CTNND2: variants seen among roughly 807,000 people sequenced by gnomAD.
CTNND2 encodes the protein catenin delta-2.
A neutral mutation model predicts 144.4 loss-of-function variants in CTNND2; 22 were observed. That is an observed-to-expected ratio of 0.15 (90% CI 0.11 to 0.22). CTNND2 has a LOEUF of 0.22. CTNND2 is among the 10% of genes least tolerant of loss of function. CTNND2 has a pLI of 1.00. For synonymous variants in CTNND2, 751 were observed against 695.6 expected (o/e 1.08, Z -1.25); for missense variants, 1,353 against 1,618.8 (o/e 0.84, Z 2.82).
intron 9 of CTNND2, among the ~76,000 whole-genome samples, chr5:11,253,602 CCT>C (rs1743899622): frequency 2.0e-5 from 3 of 152,160 alleles, no homozygotes; most frequent in Admixed American, 6.5e-5. Context: ...GTCCATTAAA[CCT>C]CTTTTTCTTT....
intron 2 of CTNND2, among the ~76,000 whole-genome samples, chr5:11,681,247 A>C (rs912924334): frequency 6.6e-6 from 1 of 152,214 alleles, no homozygotes; most frequent in Non-Finnish European, 1.5e-5. Flanking sequence ...AGAAGGATGG[A>C]GTGTTCAACA....
At chr5:11,633,601 C>A (rs1302988627) in intron 2 of CTNND2, among the ~76,000 whole-genome samples, 1 of 151,942 alleles carries the variant, frequency 6.6e-6, no homozygotes, top group Non-Finnish European at 1.5e-5. Context: ...CATAGTGAAA[C>A]CCCATCTCTA....
chr5:11,378,714 C>T (rs1326974814), intron 7 of CTNND2, among the ~76,000 whole-genome samples: 2 of 152,166 alleles, frequency 1.3e-5, no homozygotes, highest in Non-Finnish European at 2.9e-5. Context: ...GTTCATTACC[C>T]CAGTAGACTT....
At position 11,508,498 on chromosome 5, in the gene CTNND2, T is replaced by C. The variant is rs1046758904; in HGVS notation, c.287+56446A>G. ...TCCTTTAATGTAGCCCCCAAACCCA[T>C]ATATCAACACATTATCAAGTGAAAT... On this transcript the variant is annotated intron_variant, in intron 3 of 21. Transcript: ENST00000304623. The C allele has an allele frequency of 3.3e-5, 5 of 151,514 alleles. No homozygotes were observed. The East Asian group carries it at 7.7e-4, about 23-fold the overall frequency. The allele number at this position is 151,514 out of a possible 1,614,324, so 9.4% of individuals were successfully genotyped here.
At chr5:11,787,672 C>T (rs1275164361) in intron 1 of CTNND2, among the ~76,000 whole-genome samples, 4 of 151,650 alleles carry the variant, frequency 2.6e-5, no homozygotes, top group Non-Finnish European at 5.9e-5. Context: ...TTACACATTC[C>T]CATAATTTAA....
chr5:11,824,705 A>C (rs2126948855), intron 1 of CTNND2, among the ~76,000 whole-genome samples: 1 of 152,318 alleles, frequency 6.6e-6, no homozygotes, highest in Non-Finnish European at 1.5e-5. Flanking sequence ...AACTAAATCT[A>C]GACTTGGAGA....
At chr5:11,679,045 T>C (rs1561685818) in intron 2 of CTNND2, among the ~76,000 whole-genome samples, 1 of 152,078 alleles carries the variant, frequency 6.6e-6, no homozygotes, top group African/African-American at 2.4e-5. Context: ...GAAAAGACTT[T>C]TGTTTTTCAG....
rs943951564 is a variant in CTNND2 at position 11,702,668 on chromosome 5, T to C, written c.174+29468A>G. On this transcript the variant is annotated intron_variant, in intron 2 of 21. Transcript: ENST00000304623. ...TACACCGGATCCTAGGGTGGAAATC[T>C]CAGGATAATCTTTTCTGGCTATCTG... 5.3e-5 allele frequency among the ~76,000 whole-genome samples: 8 copies of C among 152,202 alleles called. No homozygotes were observed. In the South Asian group the frequency reaches 1.7e-3, roughly 31 times the overall value.
At chr5:11,883,137 C>T (rs59816282) in intron 1 of CTNND2, among the ~76,000 whole-genome samples, 12 of 152,138 alleles carry the variant, frequency 7.9e-5, no homozygotes, top group Admixed American at 2.6e-4. Flanking sequence ...AAAAATGCTA[C>T]GATTTTTTTA....
At chr5:11,274,828 A>C (rs1308163989) in intron 9 of CTNND2, among the ~76,000 whole-genome samples, 8 of 152,184 alleles carry the variant, frequency 5.3e-5, no homozygotes, top group Non-Finnish European at 8.8e-5. Flanking sequence ...TCCAAGGAAA[A>C]AGAGTGAGGC....
intron 7 of CTNND2, among the ~76,000 whole-genome samples, chr5:11,378,444 T>G (rs1758148719): frequency 1.3e-5 from 2 of 152,216 alleles, no homozygotes; most frequent in Non-Finnish European, 2.9e-5. Context: ...TAACCACCTT[T>G]ACAAGGTTAA....
chr5:11,291,159 G>A (rs756788762), intron 9 of CTNND2, among the ~76,000 whole-genome samples: 1 of 152,056 alleles, frequency 6.6e-6, no homozygotes, highest in Non-Finnish European at 1.5e-5. Context: ...CTGGGGATTC[G>A]TCCACCCATT....
intron 16 of CTNND2, among the ~76,000 whole-genome samples, chr5:11,024,121 G>A (rs1742570648): frequency 6.6e-6 from 1 of 152,170 alleles, no homozygotes; most frequent in African/African-American, 2.4e-5. Context: ...CTGGTGTATG[G>A]TGCCTGGCAG....
At chr5:11,858,683 C>A (rs757313127) in intron 1 of CTNND2, among the ~76,000 whole-genome samples, 3 of 152,194 alleles carry the variant, frequency 2.0e-5, no homozygotes, top group Non-Finnish European at 4.4e-5. Context: ...TTAATCCCAG[C>A]ACTTTGGGAG....
intron 1 of CTNND2, among the ~76,000 whole-genome samples, chr5:11,764,498 C>T (rs1002438526): frequency 1.3e-5 from 2 of 152,104 alleles, no homozygotes; most frequent in African/African-American, 4.8e-5. Flanking sequence ...CTGGTGAGGC[C>T]ACCCCAAAGC....
At chr5:11,266,940 G>A (rs544221193) in intron 9 of CTNND2, among the ~76,000 whole-genome samples, 5 of 152,198 alleles carry the variant, frequency 3.3e-5, no homozygotes, top group African/African-American at 7.2e-5. Flanking sequence ...GTGCAATGGC[G>A]CGATCTCAGC....
intron 3 of CTNND2, among the ~76,000 whole-genome samples, chr5:11,556,726 A>G (rs941713251): frequency 6.8e-6 from 1 of 146,666 alleles, no homozygotes; most frequent in African/African-American, 2.5e-5. Context: ...TAATATCCAA[A>G]GTATGGCAGA....
chr5:11,166,082 T>C (rs1254579792), intron 11 of CTNND2, among the ~76,000 whole-genome samples: 2 of 152,132 alleles, frequency 1.3e-5, no homozygotes, highest in African/African-American at 4.8e-5. Context: ...TCATTTTAAA[T>C]AAATGTTTAT....
chr5:11,709,027 A>G (rs541198002), intron 2 of CTNND2, among the ~76,000 whole-genome samples: 2 of 152,334 alleles, frequency 1.3e-5, no homozygotes, highest in Non-Finnish European at 2.9e-5. Flanking sequence ...CAGGGAAGCT[A>G]CTATGATAAC....
Sources: gnomAD v4.1 joint callset for allele counts (sites outside exome capture counted in the v4.1 genomes callset) on GRCh38, gnomAD v4.1.1 for gene constraint, MANE v1.5 for transcripts, NCBI Gene and HGNC (gene_info 2026-07-23, HGNC 2026-07-21) for gene names.